The following CERS3 variants were observed in gnomAD, a reference collection of about 807,000 sequenced individuals.
The protein encoded by CERS3 is LAG1 homolog, ceramide synthase 3.
CERS3 carries 33 observed loss-of-function variants against 50.3 expected under a neutral mutation model. That is an observed-to-expected ratio of 0.66 (90% confidence interval 0.50 to 0.88). The LOEUF (loss-of-function observed/expected upper bound fraction) is 0.88, where lower values mean the gene tolerates loss of function less well. Ranked by LOEUF, CERS3 falls within the 40% of genes least tolerant of loss-of-function variation. CERS3 has a pLI of 0.00. For missense variants in CERS3, 470 were observed against 460.3 expected (o/e 1.02, Z -0.19); for synonymous variants, 176 against 155.2 (o/e 1.13, Z -0.99).
intron 4 of CERS3, among the ~76,000 whole-genome samples, chr15:100,487,491 A>G (rs2035522897): frequency 6.6e-6 from 1 of 152,250 alleles, no homozygotes; most frequent in African/African-American, 2.4e-5. Flanking sequence ...TCGGTGACAG[A>G]GCCAGGCTCT....
At chr15:100,501,272 C>A (rs2035987720) in intron 3 of CERS3, among the ~76,000 whole-genome samples, 1 of 152,120 alleles carries the variant, frequency 6.6e-6, no homozygotes. Flanking sequence ...ATTTTATAGG[C>A]ACTTGAGGAT....
At chr15:100,409,922 C>T (rs1021120248) in intron 11 of CERS3, among the ~76,000 whole-genome samples, 3 of 152,150 alleles carry the variant, frequency 2.0e-5, no homozygotes, top group African/African-American at 4.8e-5. Flanking sequence ...TGATTTTGTG[C>T]GCAGTTCTTG....
intron 11 of CERS3, among the ~76,000 whole-genome samples, chr15:100,441,659 A>G (rs1480179142): frequency 2.6e-5 from 4 of 152,112 alleles, no homozygotes; most frequent in African/African-American, 9.7e-5. Context: ...GCTTGACCCC[A>G]ATACAAACTT....
intron 4 of CERS3, among the ~76,000 whole-genome samples, chr15:100,487,198 T>C (rs748997290): frequency 6.6e-6 from 1 of 152,148 alleles, no homozygotes; most frequent in Non-Finnish European, 1.5e-5. Context: ...ACAAGCATGA[T>C]TAAGAAACAA....
chr15:100,490,474 C>T (rs1294465945), intron 4 of CERS3, among the ~76,000 whole-genome samples: 3 of 152,050 alleles, frequency 2.0e-5, no homozygotes, highest in Admixed American at 6.6e-5. Flanking sequence ...CTTCTCTGCC[C>T]TAACAATTAT....
intron 1 of CERS3, among the ~76,000 whole-genome samples, chr15:100,523,747 C>T (rs935358056): frequency 6.7e-6 from 1 of 149,080 alleles, no homozygotes; most frequent in Non-Finnish European, 1.5e-5. Flanking sequence ...CAAGGTCATA[C>T]ATATATTCTG....
chr15:100,498,378 G>A (rs2035896606), intron 3 of CERS3, among the ~76,000 whole-genome samples: 1 of 152,198 alleles, frequency 6.6e-6, no homozygotes, highest in South Asian at 2.1e-4. Flanking sequence ...ATAAATAGTT[G>A]ATAAATTGAA....
chr15:100,439,912 G>T (rs1289470385), intron 11 of CERS3, among the ~76,000 whole-genome samples: 1 of 152,166 alleles, frequency 6.6e-6, no homozygotes, highest in African/African-American at 2.4e-5. Flanking sequence ...AGGAATTCTT[G>T]TCCATGGCTC....
intron 11 of CERS3, among the ~76,000 whole-genome samples, chr15:100,450,827 T>C (rs1349866105): frequency 3.3e-5 from 5 of 151,880 alleles, no homozygotes; most frequent in Non-Finnish European, 7.4e-5. Context: ...TAGTCACCTG[T>C]AAGGGAACCA....
intron 2 of CERS3, among the ~76,000 whole-genome samples, chr15:100,516,664 A>C (rs146981716): frequency 1.3e-3 from 200 of 152,354 alleles, no homozygotes; most frequent in Middle Eastern, 3.4e-3. Context: ...CTGTGGCTTC[A>C]TAGCCTCCTC....
intron 2 of CERS3, among the ~76,000 whole-genome samples, chr15:100,504,218 C>T (rs1253856224): frequency 1.3e-5 from 2 of 149,626 alleles, no homozygotes; most frequent in Non-Finnish European, 1.5e-5. Context: ...TGGAGAAAGG[C>T]TGCCTTTTCC....
chr15:100,500,047 G>A (rs1432731383), intron 3 of CERS3, among the ~76,000 whole-genome samples: 1 of 152,118 alleles, frequency 6.6e-6, no homozygotes, highest in Non-Finnish European at 1.5e-5. Context: ...AGGTATAAGT[G>A]ATATTTTATT....
At chr15:100,404,854 A>G (rs2030865927) in intron 11 of CERS3, among the ~76,000 whole-genome samples, 2 of 152,348 alleles carry the variant, frequency 1.3e-5, no homozygotes, top group South Asian at 4.1e-4. Context: ...ACAAAGGTTC[A>G]AAGCAATTCA....
intron 11 of CERS3, among the ~76,000 whole-genome samples, chr15:100,422,887 A>G (rs899684920): frequency 5.2e-5 from 7 of 135,884 alleles, no homozygotes; most frequent in African/African-American, 1.9e-4. Context: ...TTGAACAATG[A>G]GATCACATGG....
chr15:100,499,697 T>A (rs1046201574), intron 3 of CERS3, among the ~76,000 whole-genome samples: 2 of 152,162 alleles, frequency 1.3e-5, no homozygotes, highest in Admixed American at 1.3e-4. Context: ...AAACATAGGG[T>A]TATATTTACA....
intron 6 of CERS3, 130 bp from the exon 7 acceptor site, chr15:100,479,608 A>G: frequency 1.5e-6 from 1 of 665,690 alleles, no homozygotes; most frequent in Non-Finnish European, 2.6e-6. Flanking sequence ...CAGGAAATTG[A>G]CCTTTGCCAT....
At chr15:100,515,990 T>C (rs1323815601) in intron 2 of CERS3, among the ~76,000 whole-genome samples, 1 of 152,172 alleles carries the variant, frequency 6.6e-6, no homozygotes, top group Non-Finnish European at 1.5e-5. Context: ...CACAAGTGAC[T>C]GGTCCAGGGC....
Position 100,417,314 on chromosome 15 carries a change from G to A in CERS3, c.1000-14449C>T, listed in dbSNP as rs2032003270. ...AGTTCCCTTTCCGAGTCAAAGAAAGGGGTGACGGACGCACCTGGAAAATCG... is the reference window on the plus strand; with the variant it reads ...AGTTCCCTTTCCGAGTCAAAGAAAGAGGTGACGGACGCACCTGGAAAATCG... On this transcript the variant is annotated intron_variant, in intron 11 of 11. Transcript: ENST00000679737. Among the ~76,000 whole-genome samples, 3 of 152,028 alleles carry A rather than the reference G, an allele frequency of 2.0e-5. No homozygotes were observed. The South Asian group carries it at 6.2e-4, about 32-fold the overall frequency.
chr15:100,537,888 C>T (rs771015967), intron 1 of CERS3, among the ~76,000 whole-genome samples: 2 of 152,150 alleles, frequency 1.3e-5, no homozygotes, highest in African/African-American at 4.8e-5. Context: ...TGAGACAAGG[C>T]AAGTCCCTTC....
Sources: allele counts gnomAD v4.1 joint callset (sites outside exome capture counted in the v4.1 genomes callset), GRCh38; gene constraint gnomAD v4.1.1; transcripts MANE v1.5; gene names NCBI Gene and HGNC (gene_info 2026-07-23, HGNC 2026-07-21).